Variants in BRINP1 observed in about 807,000 individuals in gnomAD.
BRINP1 encodes BMP/retinoic acid inducible neural specific 1.
In BRINP1, 17 loss-of-function variants were observed where a neutral mutation model predicts 72.9. The ratio of observed to expected loss-of-function variants is 0.23; its 90% CI spans 0.16 to 0.35. The LOEUF is 0.35. Among genes scored for constraint, BRINP1 ranks in the 10% least tolerant of loss-of-function variants. The probability of loss-of-function intolerance (pLI) is 1.00; values close to 1 mark genes in which losing one functional copy is unlikely to be tolerated. For synonymous variants in BRINP1, 418 were observed against 378.5 expected (o/e 1.10, Z -1.21); for missense variants, 850 against 1,001.6 (o/e 0.85, Z 2.04).
At chr9:119,361,192 T>A (rs765889438) in intron 1 of BRINP1, among the ~76,000 whole-genome samples, 3 of 152,152 alleles carry the variant, frequency 2.0e-5, no homozygotes, top group Non-Finnish European at 2.9e-5. Flanking sequence ...TAAGGCCACT[T>A]GCAATCTCCA....
chr9:119,216,251 C>T (rs977730757), intron 5 of BRINP1, among the ~76,000 whole-genome samples: 1 of 152,096 alleles, frequency 6.6e-6, no homozygotes, highest in Non-Finnish European at 1.5e-5. Flanking sequence ...GAATTCTGTG[C>T]CTGTTGAACC....
intron 7 of BRINP1, among the ~76,000 whole-genome samples, chr9:119,183,760 C>A (rs1002870741): frequency 2.0e-5 from 3 of 152,162 alleles, no homozygotes; most frequent in African/African-American, 7.2e-5. Flanking sequence ...AATTTTGATC[C>A]TCACAATTGA....
At chr9:119,345,457 A>G (rs1831440132) in intron 1 of BRINP1, among the ~76,000 whole-genome samples, 1 of 152,230 alleles carries the variant, frequency 6.6e-6, no homozygotes, top group Non-Finnish European at 1.5e-5. Context: ...AGAACATTTC[A>G]GAAAGAGGAA....
intron 7 of BRINP1, among the ~76,000 whole-genome samples, chr9:119,208,248 T>C (rs1190126586): frequency 2.0e-5 from 3 of 152,186 alleles, no homozygotes; most frequent in African/African-American, 7.2e-5. Flanking sequence ...TGACATTTTG[T>C]ATTACATTTT....
At chr9:119,337,006 C>A (rs879659934) in intron 1 of BRINP1, among the ~76,000 whole-genome samples, 1 of 152,014 alleles carries the variant, frequency 6.6e-6, no homozygotes, top group Non-Finnish European at 1.5e-5. Context: ...AGGGGCCAAC[C>A]TCTTCTCCAT....
At chr9:119,255,687 C>T (rs531267537) in intron 2 of BRINP1, among the ~76,000 whole-genome samples, 1 of 152,096 alleles carries the variant, frequency 6.6e-6, no homozygotes, top group East Asian at 1.9e-4. Context: ...GGTGCAGTGG[C>T]TCACGCTTGT....
In BRINP1 at chr9:119,218,167, T is replaced by A. The variant is rs543763883; in HGVS notation, c.686-4012A>T. Among the ~76,000 whole-genome samples the A allele has an allele frequency of 1.6e-3, 242 of 151,804 alleles. 1 individual carries two copies. Among genetic ancestry groups the A allele is most frequent in the African/African-American group, 5.6e-3 (230 of 41,376 alleles). ...GAGTATAAACTAAGGTCAAGCCCAG[T>A]GTAGGCTCCAGGCACTCATTTGTTG... On this transcript the variant is annotated intron_variant, in intron 5 of 7. Transcript: ENST00000265922.
chr9:119,360,778 G>A (rs1831621167), intron 1 of BRINP1, among the ~76,000 whole-genome samples: 1 of 152,180 alleles, frequency 6.6e-6, no homozygotes, highest in African/African-American at 2.4e-5. Flanking sequence ...TGCAAGGCTA[G>A]ATAAATTATA....
chr9:119,198,355 C>CGAAA (rs1014297182), intron 7 of BRINP1, among the ~76,000 whole-genome samples: 2 of 152,184 alleles, frequency 1.3e-5, no homozygotes, highest in African/African-American at 2.4e-5. Flanking sequence ...CTATTATTGG[C>CGAAA]TTTCCAAGGC....
At chr9:119,326,110 A>T (rs1000179769) in intron 1 of BRINP1, among the ~76,000 whole-genome samples, 60 of 152,204 alleles carry the variant, frequency 3.9e-4, no homozygotes, top group African/African-American at 1.4e-3. Flanking sequence ...ATCCCATAAG[A>T]CATTAAATTG....
intron 2 of BRINP1, among the ~76,000 whole-genome samples, chr9:119,287,209 T>C (rs993813006): frequency 2.0e-5 from 3 of 152,226 alleles, no homozygotes; most frequent in Non-Finnish European, 4.4e-5. Flanking sequence ...GCTCTCCTTT[T>C]TTATCATAAG....
At chr9:119,338,776 T>G (rs1208172387) in intron 1 of BRINP1, among the ~76,000 whole-genome samples, 1 of 149,002 alleles carries the variant, frequency 6.7e-6, no homozygotes, top group Non-Finnish European at 1.5e-5. Flanking sequence ...GCGCCTGTAC[T>G]CCGGAGGCTG....
intron 4 of BRINP1, among the ~76,000 whole-genome samples, chr9:119,239,738 C>T (rs973615315): frequency 1.3e-5 from 2 of 152,060 alleles, no homozygotes; most frequent in African/African-American, 2.4e-5. Flanking sequence ...AAAATAGGGT[C>T]AAGAGATTAT....
intron 5 of BRINP1, among the ~76,000 whole-genome samples, chr9:119,222,614 G>A (rs192379021): frequency 6.6e-6 from 1 of 152,148 alleles, no homozygotes; most frequent in African/African-American, 2.4e-5. Flanking sequence ...CTAGAGAAAA[G>A]ACAAGGAACT....
At chr9:119,348,361 T>C (rs1218744815) in intron 1 of BRINP1, among the ~76,000 whole-genome samples, 1 of 152,224 alleles carries the variant, frequency 6.6e-6, no homozygotes, top group Non-Finnish European at 1.5e-5. Flanking sequence ...GTTTACCTAT[T>C]GAAGGATATC....
chr9:119,173,054 C>T (rs1231540938), intron 7 of BRINP1, among the ~76,000 whole-genome samples: 10 of 146,250 alleles, frequency 6.8e-5, no homozygotes, highest in Admixed American at 6.2e-4. Context: ...TGGAAGCATT[C>T]CCTTTGAAAA....
chr9:119,298,289 ACATTTACTTT>A (rs1830902065), intron 2 of BRINP1, among the ~76,000 whole-genome samples: 1 of 152,204 alleles, frequency 6.6e-6, no homozygotes. Flanking sequence ...TTTACCAAGC[ACATTTACTTT>A]CAGTTCCTCT....
chr9:119,242,716 G>T (rs1174906461), intron 3 of BRINP1, among the ~76,000 whole-genome samples: 1 of 152,034 alleles, frequency 6.6e-6, no homozygotes, highest in Non-Finnish European at 1.5e-5. Context: ...ATGAACGGTG[G>T]ATAGCTAGAA....
At chr9:119,316,832 G>A (rs1831129838) in intron 1 of BRINP1, among the ~76,000 whole-genome samples, 1 of 152,034 alleles carries the variant, frequency 6.6e-6, no homozygotes, top group Admixed American at 6.6e-5. Flanking sequence ...ATAGATCAAG[G>A]CATGATTTTG....
Sources: gnomAD v4.1 joint callset for allele counts (sites outside exome capture counted in the v4.1 genomes callset) on GRCh38, gnomAD v4.1.1 for gene constraint, MANE v1.5 for transcripts, NCBI Gene and HGNC (gene_info 2026-07-23, HGNC 2026-07-21) for gene names.